PLCB4: variants seen among roughly 807,000 people sequenced by gnomAD.
PLCB4 encodes the protein phospholipase C beta 4.
In PLCB4, 77 loss-of-function variants were observed where a neutral mutation model predicts 178.8. That is an observed-to-expected ratio of 0.43 (90% CI 0.36 to 0.52). PLCB4 has a LOEUF of 0.52. Ranked by LOEUF, PLCB4 falls within the 20% of genes least tolerant of loss-of-function variation. The pLI, the probability that PLCB4 is intolerant of heterozygous loss-of-function variation, is 0.00. For missense variants in PLCB4, 1,024 were observed against 1,453.4 expected, an observed-to-expected ratio of 0.70 and a Z score of 4.80; for synonymous variants, 496 against 490.8, an observed-to-expected ratio of 1.01 and a Z score of -0.14.
At chr20:9,420,615 C>T (rs2040566214) in intron 26 of PLCB4, among the ~76,000 whole-genome samples, 1 of 152,192 alleles carries the variant, frequency 6.6e-6, no homozygotes, top group Non-Finnish European at 1.5e-5. Flanking sequence ...AGGGATGAGC[C>T]ACCGTGCCTA....
chr20:9,318,750 T>TA (rs1206266077), intron 4 of PLCB4, among the ~76,000 whole-genome samples: 1 of 152,226 alleles, frequency 6.6e-6, no homozygotes, highest in East Asian at 1.9e-4. Flanking sequence ...TTCTCACTGA[T>TA]ACAATTTTTG....
chr20:9,391,335 C>T (rs1389403197), intron 17 of PLCB4, among the ~76,000 whole-genome samples: 1 of 152,018 alleles, frequency 6.6e-6, no homozygotes, highest in African/African-American at 2.4e-5. Flanking sequence ...CCATGACCTC[C>T]AAGAGATTAA....
At chr20:9,281,629 C>G (rs1462812074) in intron 3 of PLCB4, among the ~76,000 whole-genome samples, 1 of 151,786 alleles carries the variant, frequency 6.6e-6, no homozygotes. Flanking sequence ...ACTGCTAAAA[C>G]ATGTAGGTTT....
intron 30 of PLCB4, among the ~76,000 whole-genome samples, chr20:9,440,617 C>T (rs1004257438): frequency 2.6e-5 from 4 of 152,206 alleles, no homozygotes; most frequent in African/African-American, 7.2e-5. Flanking sequence ...AAGCAAGTCA[C>T]ATGGCCCAGC....
chr20:9,094,611 A>G (rs1401974606), intron 1 of PLCB4, among the ~76,000 whole-genome samples: 1 of 152,220 alleles, frequency 6.6e-6, no homozygotes, highest in Non-Finnish European at 1.5e-5. Context: ...ATTACACTGT[A>G]ACAAACTCAT....
At position 9,130,785 on chromosome 20, in the gene PLCB4, G is replaced by A. The variant is rs1409424642; in HGVS notation, c.-79+34443G>A. Among the ~76,000 whole-genome samples the A allele has an allele frequency of 2.0e-5, 3 of 152,182 alleles. No individual in the cohort carries two copies. The East Asian group carries it at 5.8e-4, about 29-fold the overall frequency. ...ATGAATTGAAGTTGTGATCAGATAA[G>A]CAAGAAGTAATATGAAGCCCAAGCA... On this transcript the variant is annotated intron_variant, in intron 2 of 39. Transcript: ENST00000378473.
intron 7 of PLCB4, among the ~76,000 whole-genome samples, chr20:9,358,964 G>A (rs941995808): frequency 2.6e-5 from 4 of 152,110 alleles, no homozygotes; most frequent in Middle Eastern, 3.2e-3. Flanking sequence ...CTTAATATAC[G>A]TCATGAGATT....
chr20:9,118,024 A>T (rs911130), intron 2 of PLCB4, among the ~76,000 whole-genome samples: 72,015 of 152,000 alleles, frequency 0.47, 17,656 homozygotes, highest in Middle Eastern at 0.57. Context: ...TCCTCAAAAA[A>T]AAAAGCTTTG....
chr20:9,215,093 T>C (rs2093715095), intron 2 of PLCB4, among the ~76,000 whole-genome samples: 1 of 152,062 alleles, frequency 6.6e-6, no homozygotes. Flanking sequence ...TCAGGAGACA[T>C]AAAAGAGTCA....
At chr20:9,470,347 GA>G (rs1300506447) in intron 36 of PLCB4, among the ~76,000 whole-genome samples, 1 of 151,308 alleles carries the variant, frequency 6.6e-6, no homozygotes, top group East Asian at 1.9e-4. Context: ...AAAAAGAAAA[GA>G]AAAAATGTCA....
intron 3 of PLCB4, among the ~76,000 whole-genome samples, chr20:9,236,529 C>T (rs1262079338): frequency 6.6e-6 from 1 of 152,128 alleles, no homozygotes; most frequent in Non-Finnish European, 1.5e-5. Context: ...CCTAATTGCA[C>T]AAGGCAGTGT....
intron 2 of PLCB4, among the ~76,000 whole-genome samples, chr20:9,185,495 C>T (rs1210486798): frequency 6.6e-6 from 1 of 152,112 alleles, no homozygotes. Context: ...GAGCCAGGTT[C>T]TCTTTCACCT....
chr20:9,435,501 A>T, intron 28 of PLCB4, 59 bp from the exon 29 acceptor site: 1 of 977,948 alleles, frequency 1.0e-6, no homozygotes, highest in Non-Finnish European at 1.6e-6. Context: ...GCAGAGTTTT[A>T]ATGAATATTT....
intron 2 of PLCB4, among the ~76,000 whole-genome samples, chr20:9,160,489 A>C (rs897910231): frequency 2.0e-5 from 3 of 152,114 alleles, no homozygotes; most frequent in African/African-American, 7.2e-5. Context: ...GTATTTTATA[A>C]TTTTTGCTTG....
intron 3 of PLCB4, among the ~76,000 whole-genome samples, chr20:9,302,120 C>T (rs114621086): frequency 6.6e-6 from 1 of 150,524 alleles, no homozygotes; most frequent in African/African-American, 2.4e-5. Context: ...CCTTGGAAGG[C>T]AAGCTAGAGA....
chr20:9,343,074 G>A (rs952491848), intron 7 of PLCB4, among the ~76,000 whole-genome samples: 1 of 152,124 alleles, frequency 6.6e-6, no homozygotes, highest in African/African-American at 2.4e-5. Context: ...CACTCCCTGG[G>A]CAATCTGTGT....
Position 9,092,474 on chromosome 20 carries a change from G to T in PLCB4, c.-134-3813G>T, listed in dbSNP as rs140729743. Among the ~76,000 whole-genome samples the T allele has an allele frequency of 1.4e-4, 21 of 152,252 alleles. No homozygotes were observed. In the East Asian group the frequency reaches 4.1e-3, roughly 29 times the overall value. On this transcript the variant is annotated intron_variant, in intron 1 of 39. Coordinates refer to ENST00000378473, the MANE Select transcript of PLCB4 (RefSeq NM_001377142.1). ...ATGAGGTTTCCACTGCAATGGTGATGTATCTGTTACTGAGCAGTTATAGGG... is the reference window on the plus strand; with the variant it reads ...ATGAGGTTTCCACTGCAATGGTGATTTATCTGTTACTGAGCAGTTATAGGG...
Position 9,119,518 on chromosome 20 carries a change from GA to G in PLCB4, c.-79+23190del, listed in dbSNP as rs11481752. 5.0e-3 allele frequency among the ~76,000 whole-genome samples: 664 copies of G among 131,574 alleles called. 4 individuals are homozygous for G. The highest frequency in any genetic ancestry group is 0.016 in the African/African-American group (570 of 35,168). 86.3% of individuals were successfully genotyped at this position (131,574 alleles called of 152,430 possible). On this transcript the variant is annotated intron_variant, in intron 2 of 39. Coordinates refer to ENST00000378473, the MANE Select transcript of PLCB4 (RefSeq NM_001377142.1). ...TCTTACAGTGTATAAAGAGAAAGGA[GA>G]AAAAAAAAAAAAACAAAGTAGTCAC...
intron 9 of PLCB4, among the ~76,000 whole-genome samples, chr20:9,370,249 C>G (rs2036132141): frequency 1.3e-5 from 2 of 152,176 alleles, no homozygotes; most frequent in African/African-American, 4.8e-5. Flanking sequence ...TCTTGGGGTA[C>G]TACTGAGATT....
Sources: gnomAD v4.1 joint callset for allele counts (sites outside exome capture counted in the v4.1 genomes callset) on GRCh38, gnomAD v4.1.1 for gene constraint, MANE v1.5 for transcripts, NCBI Gene and HGNC (gene_info 2026-07-23, HGNC 2026-07-21) for gene names.